Variants in DLGAP2 observed in about 807,000 individuals in gnomAD.
DLGAP2 encodes disks large-associated protein 2.
A neutral mutation model predicts 100.3 loss-of-function variants in DLGAP2; 26 were observed. The observed-to-expected ratio is 0.26, with a 90% CI of 0.19 to 0.36. The LOEUF (loss-of-function observed/expected upper bound fraction) is 0.36. Among genes scored for constraint, DLGAP2 ranks in the 10% least tolerant of loss-of-function variants. The pLI is 1.00. For synonymous variants in DLGAP2, 886 were observed against 630.1 expected (o/e 1.41, Z -6.08); for missense variants, 1,858 against 1,453.2 (o/e 1.28, Z -4.53).
intron 3 of DLGAP2, among the ~76,000 whole-genome samples, chr8:1,488,389 A>G (rs1385080783): frequency 6.6e-6 from 1 of 152,154 alleles, no homozygotes; most frequent in Non-Finnish European, 1.5e-5. Context: ...CCAAGCTCAG[A>G]TTTTGATGCC....
chr8:1,087,863 C>A (rs373589577), intron 2 of DLGAP2, among the ~76,000 whole-genome samples: 1 of 152,256 alleles, frequency 6.6e-6, no homozygotes, highest in Non-Finnish European at 1.5e-5. Flanking sequence ...GTGCAAAGCT[C>A]TGGATCCTTC....
intron 2 of DLGAP2, among the ~76,000 whole-genome samples, chr8:1,074,902 G>A (rs1277197801): frequency 6.6e-6 from 1 of 152,164 alleles, no homozygotes; most frequent in Non-Finnish European, 1.5e-5. Context: ...GGTCAACCCA[G>A]TGAAACTCTC....
intron 3 of DLGAP2, among the ~76,000 whole-genome samples, chr8:1,482,895 G>A (rs986445340): frequency 2.6e-5 from 4 of 152,262 alleles, no homozygotes; most frequent in African/African-American, 7.2e-5. Context: ...GCAAAGACAC[G>A]AGCGAGGACA....
chr8:1,167,544 G>C (rs987420505), intron 2 of DLGAP2, among the ~76,000 whole-genome samples: 10 of 152,180 alleles, frequency 6.6e-5, no homozygotes, highest in African/African-American at 2.4e-4. Flanking sequence ...GTCATGAACT[G>C]CACCCTAGTT....
intron 2 of DLGAP2, among the ~76,000 whole-genome samples, chr8:1,178,273 A>G (rs922805779): frequency 6.6e-6 from 1 of 152,252 alleles, no homozygotes; most frequent in Non-Finnish European, 1.5e-5. Context: ...GGGTGAGGTT[A>G]GAGGGCTGTG....
chr8:944,541 G>T (rs1799269857), intron 2 of DLGAP2, among the ~76,000 whole-genome samples: 1 of 150,112 alleles, frequency 6.7e-6, no homozygotes, highest in Non-Finnish European at 1.5e-5. Context: ...GTGGGTGGCA[G>T]TCGATCCCTG....
chr8:1,569,429 G>A lies in DLGAP2; in HGVS notation c.1442+3535G>A, dbSNP rs114603685. Among the ~76,000 whole-genome samples, 315 of 152,324 alleles carry A rather than the reference G, an allele frequency of 2.1e-3. 1 individual carries two copies. The highest frequency in any genetic ancestry group is 7.1e-3 in the African/African-American group (296 of 41,582). The stretch of plus-strand genomic sequence containing the variant: ...ACAGCGACCTGCCTGCCAGGGACCT[G>A]CTAACTTGAAAGTCCTCGAAACTCC... On this transcript the variant is annotated intron_variant, in intron 6 of 14. Transcript: ENST00000637795.
chr8:868,050 A>G (rs1797530664), intron 1 of DLGAP2, among the ~76,000 whole-genome samples: 1 of 152,242 alleles, frequency 6.6e-6, no homozygotes, highest in Admixed American at 6.5e-5. Flanking sequence ...ATACTTACAA[A>G]TTATTTGTAG....
chr8:1,134,712 G>C (rs1001492784), intron 2 of DLGAP2, among the ~76,000 whole-genome samples: 1 of 152,160 alleles, frequency 6.6e-6, no homozygotes, highest in African/African-American at 2.4e-5. Flanking sequence ...AGCAGGGCTG[G>C]GGAGGCCTCA....
intron 2 of DLGAP2, among the ~76,000 whole-genome samples, chr8:994,287 A>G (rs11137121): frequency 0.61 from 93,273 of 151,860 alleles, 30,468 homozygotes; most frequent in Non-Finnish European, 0.72. Context: ...TGCAACCTCC[A>G]CCTCCCAGAT....
At chr8:1,234,920 C>G (rs909357785) in intron 2 of DLGAP2, among the ~76,000 whole-genome samples, 29 of 152,230 alleles carry the variant, frequency 1.9e-4, no homozygotes, top group African/African-American at 6.3e-4. Flanking sequence ...ATCTAGTTCT[C>G]TCGCACACAA....
At chr8:1,494,291 C>A (rs558285423) in intron 3 of DLGAP2, among the ~76,000 whole-genome samples, 1 of 152,204 alleles carries the variant, frequency 6.6e-6, no homozygotes, top group Non-Finnish European at 1.5e-5. Context: ...CTTTTGCTTC[C>A]GCATTAGCAT....
chr8:1,319,750 G>A (rs1563080941), intron 3 of DLGAP2, among the ~76,000 whole-genome samples: 1 of 152,136 alleles, frequency 6.6e-6, no homozygotes, highest in African/African-American at 2.4e-5. Flanking sequence ...GCAGCTTTGG[G>A]GGACAGTTTC....
chr8:1,320,067 G>A (rs112789940), intron 3 of DLGAP2, among the ~76,000 whole-genome samples: 32 of 152,184 alleles, frequency 2.1e-4, no homozygotes, highest in African/African-American at 7.2e-4. Context: ...TGAGGAACTC[G>A]GGAGTGGTTG....
At chr8:1,012,219 A>G (rs1228540490) in intron 2 of DLGAP2, among the ~76,000 whole-genome samples, 1 of 151,880 alleles carries the variant, frequency 6.6e-6, no homozygotes, top group Non-Finnish European at 1.5e-5. Context: ...CATGTCTGAC[A>G]CCCCTGCTGA....
chr8:1,234,153 TCCC>T (rs1798594524), intron 2 of DLGAP2, among the ~76,000 whole-genome samples: 1 of 152,202 alleles, frequency 6.6e-6, no homozygotes. Context: ...TCTCCTGTCC[TCCC>T]TCGAAAGCGG....
intron 2 of DLGAP2, among the ~76,000 whole-genome samples, chr8:1,048,455 G>A (rs1241354153): frequency 3.9e-5 from 6 of 151,934 alleles, no homozygotes; most frequent in African/African-American, 9.7e-5. Flanking sequence ...CGACGGCATC[G>A]TCTGTGCGTC....
intron 2 of DLGAP2, among the ~76,000 whole-genome samples, chr8:1,129,622 C>CGTAG (rs1298094225): frequency 6.6e-6 from 1 of 152,126 alleles, no homozygotes; most frequent in East Asian, 1.9e-4. Flanking sequence ...AGTGTTGCCT[C>CGTAG]GTAGGTGACT....
At chr8:1,212,907 C>G (rs986476564) in intron 2 of DLGAP2, among the ~76,000 whole-genome samples, 1 of 151,800 alleles carries the variant, frequency 6.6e-6, no homozygotes, top group Non-Finnish European at 1.5e-5. Context: ...CATTTATAAA[C>G]GTTGGAAAAT....
Sources: allele counts gnomAD v4.1 joint callset (sites outside exome capture counted in the v4.1 genomes callset), GRCh38; gene constraint gnomAD v4.1.1; transcripts MANE v1.5; gene names NCBI Gene and HGNC (gene_info 2026-07-23, HGNC 2026-07-21).